The following RCOR1 variants were observed in gnomAD, a reference collection of about 807,000 sequenced individuals.
RCOR1 encodes the protein REST corepressor.
In RCOR1, 12 loss-of-function variants were observed where a neutral mutation model predicts 64.0. The observed-to-expected ratio is 0.19, with a 90% CI of 0.12 to 0.30. RCOR1 has a LOEUF of 0.30. RCOR1 is among the 10% of genes least tolerant of loss of function. The pLI is 1.00. For missense variants in RCOR1, 502 were observed against 621.2 expected (o/e 0.81, Z 2.04); for synonymous variants, 279 against 227.2 (o/e 1.23, Z -2.05).
At chr14:102,624,291 G>A (rs1482425443) in intron 2 of RCOR1, among the ~76,000 whole-genome samples, 2 of 151,864 alleles carry the variant, frequency 1.3e-5, no homozygotes, top group Non-Finnish European at 2.9e-5. Context: ...ATCACCTGAC[G>A]TCAGGAGTTC....
intron 2 of RCOR1, among the ~76,000 whole-genome samples, chr14:102,674,279 T>C (rs1363511161): frequency 6.6e-6 from 1 of 152,202 alleles, no homozygotes; most frequent in East Asian, 1.9e-4. Context: ...TAAATACTTT[T>C]CACAGTAACA....
chr14:102,701,466 A>G (rs965897717), intron 4 of RCOR1, 136 bp downstream of exon 4: 4 of 579,414 alleles, frequency 6.9e-6, no homozygotes, highest in Non-Finnish European at 1.2e-5. Context: ...GTAGTGTTAC[A>G]CAAACTCTGG....
rs142684218 is a variant in RCOR1 at position 102,706,458 on chromosome 14, A to G, written c.499-893A>G. Among the ~76,000 whole-genome samples the G allele has an allele frequency of 4.7e-3, 722 of 152,304 alleles. 6 individuals carry two copies. Among genetic ancestry groups the G allele is most frequent in the African/African-American group, 0.017 (692 of 41,570 alleles). ...GTCAAAATAGACTTTAAATTTAAAC[A>G]GGTTGTAAGAGACAAGGACATTCAC... On this transcript the variant is annotated intron_variant, in intron 4 of 11. Transcript: ENST00000262241.
chr14:102,718,234 T>G (rs1182927907), intron 8 of RCOR1, among the ~76,000 whole-genome samples: 1 of 152,126 alleles, frequency 6.6e-6, no homozygotes, highest in Non-Finnish European at 1.5e-5. Context: ...TGGAAGCTAC[T>G]GGAGCCATTT....
intron 4 of RCOR1, among the ~76,000 whole-genome samples, chr14:102,705,466 A>G (rs1283916890): frequency 6.6e-6 from 1 of 152,176 alleles, no homozygotes; most frequent in Non-Finnish European, 1.5e-5. Flanking sequence ...TTGTTTTGAG[A>G]CAAGGTCTTG....
intron 2 of RCOR1, among the ~76,000 whole-genome samples, chr14:102,653,920 CTT>C (rs1894646929): frequency 2.0e-5 from 2 of 98,874 alleles, no homozygotes; most frequent in Non-Finnish European, 4.0e-5. Flanking sequence ...CAGGTATTTC[CTT>C]CTTTCTTTCT....
chr14:102,634,638 A>ATATATATATATATG (rs1284972467), intron 2 of RCOR1, among the ~76,000 whole-genome samples: 2 of 139,628 alleles, frequency 1.4e-5, no homozygotes, highest in Admixed American at 7.0e-5. Flanking sequence ...GTATGTGTGT[A>ATATATATATATATG]TATATATATA....
At chr14:102,683,843 C>T (rs898807865) in intron 3 of RCOR1, among the ~76,000 whole-genome samples, 6 of 152,238 alleles carry the variant, frequency 3.9e-5, no homozygotes, top group African/African-American at 1.4e-4. Context: ...AAGTTCATCC[C>T]GGGGCACCCG....
chr14:102,648,062 A>G (rs1190788066), intron 2 of RCOR1, among the ~76,000 whole-genome samples: 4 of 152,068 alleles, frequency 2.6e-5, no homozygotes, highest in African/African-American at 7.2e-5. Flanking sequence ...CCTTTTGACA[A>G]ATATCTATAA....
At chr14:102,627,158 C>T (rs949521848) in intron 2 of RCOR1, among the ~76,000 whole-genome samples, 2 of 152,204 alleles carry the variant, frequency 1.3e-5, no homozygotes, top group African/African-American at 4.8e-5. Context: ...ACCAGATGTG[C>T]TACCTGTCTA....
chr14:102,617,940 A>G (rs374192546), intron 2 of RCOR1, among the ~76,000 whole-genome samples: 2 of 147,250 alleles, frequency 1.4e-5, no homozygotes, highest in Non-Finnish European at 3.0e-5. Context: ...CTTTTATGGG[A>G]TACTACACTT....
At chr14:102,619,547 C>G (rs1003673539) in intron 2 of RCOR1, among the ~76,000 whole-genome samples, 1 of 146,788 alleles carries the variant, frequency 6.8e-6, no homozygotes, top group Non-Finnish European at 1.5e-5. Flanking sequence ...GTGGCGTGAT[C>G]TTGCCTCACT....
At chr14:102,594,024 C>T (rs1052030377) in intron 2 of RCOR1, among the ~76,000 whole-genome samples, 4 of 152,100 alleles carry the variant, frequency 2.6e-5, no homozygotes, top group Non-Finnish European at 5.9e-5. Context: ...CTAACAAATG[C>T]TTTTCACCTA....
At chr14:102,620,413 C>G (rs1424643651) in intron 2 of RCOR1, among the ~76,000 whole-genome samples, 1 of 152,114 alleles carries the variant, frequency 6.6e-6, no homozygotes, top group Non-Finnish European at 1.5e-5. Flanking sequence ...ACTAAAAATA[C>G]AAAACTATCT....
intron 2 of RCOR1, chr14:102,657,943 G>A (rs758768180): frequency 4.1e-6 from 4 of 981,578 alleles, no homozygotes; most frequent in Non-Finnish European, 4.8e-6. Flanking sequence ...TTTTCTTTAT[G>A]AGGGGTGTTC....
chr14:102,604,625 C>T (rs937378596), intron 2 of RCOR1, among the ~76,000 whole-genome samples: 9 of 152,110 alleles, frequency 5.9e-5, no homozygotes, highest in African/African-American at 1.9e-4. Flanking sequence ...GTCCGAGAGG[C>T]CCTCAGCTGT....
Position 102,640,223 on chromosome 14 carries a change from C to T in RCOR1, c.362-41672C>T, listed in dbSNP as rs114417604. 5.9e-3 allele frequency among the ~76,000 whole-genome samples: 888 copies of T among 151,750 alleles called. 11 individuals are homozygous for T. The highest frequency in any genetic ancestry group is 0.021 in the African/African-American group (858 of 41,394). ...GGTCTTGAACTCCGGAATTTCAGATCGCCCACCTCAGCCTCCTAAAGTGCT... is the reference window on the plus strand; with the variant it reads ...GGTCTTGAACTCCGGAATTTCAGATTGCCCACCTCAGCCTCCTAAAGTGCT... On this transcript the variant is annotated intron_variant, in intron 2 of 11. Coordinates refer to ENST00000262241, the MANE Select transcript of RCOR1 (RefSeq NM_015156.4).
At chr14:102,638,471 G>A (rs187955423) in intron 2 of RCOR1, among the ~76,000 whole-genome samples, 1 of 150,600 alleles carries the variant, frequency 6.6e-6, no homozygotes, top group East Asian at 2.0e-4. Flanking sequence ...TCAGCCTCCC[G>A]AGTAGCTGGA....
chr14:102,712,703 ATTGGTCG>A (rs1895985682), intron 7 of RCOR1, among the ~76,000 whole-genome samples: 1 of 150,706 alleles, frequency 6.6e-6, no homozygotes, highest in Non-Finnish European at 1.5e-5. Context: ...CAAATTGGAA[ATTGGTCG>A]TTTTTTTCTG....
Sources: gnomAD v4.1 joint callset for allele counts (sites outside exome capture counted in the v4.1 genomes callset) on GRCh38, gnomAD v4.1.1 for gene constraint, MANE v1.5 for transcripts, NCBI Gene and HGNC (gene_info 2026-07-23, HGNC 2026-07-21) for gene names.